The following MEAF6 variants were observed in gnomAD, a reference collection of about 807,000 sequenced individuals.
MEAF6 encodes the protein MYST/Esa1 associated factor 6.
A neutral mutation model predicts 28.9 loss-of-function variants in MEAF6; 15 were observed. That is an observed-to-expected ratio of 0.52 (90% CI 0.35 to 0.80). MEAF6 has a LOEUF of 0.80. Among genes scored for constraint, MEAF6 ranks in the 30% least tolerant of loss-of-function variants. MEAF6 has a pLI of 0.01. For synonymous variants in MEAF6, 97 were observed against 88.7 expected, an observed-to-expected ratio of 1.09 and a Z score of -0.53; for missense variants, 178 against 237.5, an observed-to-expected ratio of 0.75 and a Z score of 1.65.
chr1:37,496,812 C>T, intron 5 of MEAF6: 1 of 1,458,086 alleles, frequency 6.9e-7, no homozygotes, highest in Non-Finnish European at 9.2e-7. Context: ...GATTAGCCAC[C>T]CTAGCAAGAA....
chr1:37,512,563 C>T (rs1004095609), intron 2 of MEAF6, among the ~76,000 whole-genome samples: 2 of 152,190 alleles, frequency 1.3e-5, no homozygotes, highest in African/African-American at 4.8e-5. Flanking sequence ...ACTAAGTAAG[C>T]AGTGGTACAG....
chr1:37,494,836 C>CA (rs931602285), intron 6 of MEAF6, among the ~76,000 whole-genome samples: 17 of 145,724 alleles, frequency 1.2e-4, no homozygotes, highest in East Asian at 8.1e-4. Flanking sequence ...GTCACACACA[C>CA]AAAAAAAAAA....
chr1:37,514,436 C>A (rs372197730), intron 1 of MEAF6: 5 of 331,882 alleles, frequency 1.5e-5, no homozygotes, highest in African/African-American at 2.2e-5. Flanking sequence ...TCCCCTCCCC[C>A]TCCCGCGCTC....
intron 6 of MEAF6, 56 bp from the exon 7 acceptor site, chr1:37,494,163 C>T: frequency 2.7e-6 from 4 of 1,491,028 alleles, no homozygotes; most frequent in Non-Finnish European, 3.7e-6. Flanking sequence ...GTTGTTTGAC[C>T]CTAAAGGAAA....
chr1:37,498,803 T>C (rs1642203459), intron 5 of MEAF6, among the ~76,000 whole-genome samples: 2 of 152,108 alleles, frequency 1.3e-5, no homozygotes, highest in South Asian at 2.1e-4. Flanking sequence ...TCATGTAAAA[T>C]ATAAGAATTC....
At chr1:37,514,022 G>C (rs1642752137) in intron 1 of MEAF6, 3 of 176,840 alleles carry the variant, frequency 1.7e-5, no homozygotes, top group South Asian at 2.9e-4. Context: ...GGCCTCCCGG[G>C]TGCCCAAGCC....
At chr1:37,503,681 A>AG (rs58064924) in intron 4 of MEAF6, among the ~76,000 whole-genome samples, 3 of 150,428 alleles carry the variant, frequency 2.0e-5, no homozygotes, top group African/African-American at 7.3e-5. Context: ...AAAAAAAAAA[A>AG]GGCTGCACAC....
At chr1:37,507,568 T>C (rs192045894) in intron 4 of MEAF6, among the ~76,000 whole-genome samples, 1 of 151,546 alleles carries the variant, frequency 6.6e-6, no homozygotes, top group Non-Finnish European at 1.5e-5. Context: ...GAGTTCTGAA[T>C]AAGGGAGAAG....
At chr1:37,511,522 T>A (rs1198157756) in intron 2 of MEAF6, among the ~76,000 whole-genome samples, 1 of 152,196 alleles carries the variant, frequency 6.6e-6, no homozygotes, top group Non-Finnish European at 1.5e-5. Context: ...AAATTACTTG[T>A]TAATCACAAT....
At chr1:37,505,191 CTTCT>C (rs1313632276) in intron 4 of MEAF6, among the ~76,000 whole-genome samples, 3 of 152,142 alleles carry the variant, frequency 2.0e-5, no homozygotes, top group Non-Finnish European at 4.4e-5. Flanking sequence ...GCCCAGTTTT[CTTCT>C]TTCTATGGTC....
Position 37,514,611 on chromosome 1 carries a change from C to A in MEAF6, c.90+46G>T, listed in dbSNP as rs1048130599. The A allele has an allele frequency of 4.3e-6, 6 of 1,403,710 alleles. No individual in the cohort carries two copies. In the African/African-American group the frequency reaches 6.0e-5, roughly 14 times the overall value. The allele number at this position is 1,403,710 out of a possible 1,614,324, so 87.0% of individuals were successfully genotyped here. On this transcript the variant is annotated intron_variant, in intron 1 of 6. Transcript: ENST00000296214. Reference sequence around the variant, plus strand: ...CCGGGCTTGGGGCCTGGAGGCGGGGCGGGCGCGGAGCCCCATGCCGTGCAA... The same window carrying A: ...CCGGGCTTGGGGCCTGGAGGCGGGGAGGGCGCGGAGCCCCATGCCGTGCAA...
intron 4 of MEAF6, among the ~76,000 whole-genome samples, chr1:37,509,066 C>CAG (rs1194949065): frequency 6.6e-6 from 1 of 152,180 alleles, no homozygotes; most frequent in Non-Finnish European, 1.5e-5. Flanking sequence ...CACTGTACTC[C>CAG]AGCTTGGGCT....
At chr1:37,506,210 G>A (rs1642477202) in intron 4 of MEAF6, among the ~76,000 whole-genome samples, 1 of 151,944 alleles carries the variant, frequency 6.6e-6, no homozygotes, top group Non-Finnish European at 1.5e-5. Context: ...GGTGGAGGTT[G>A]TGGTGAGCCA....
At position 37,494,031 on chromosome 1, in the gene MEAF6, T is replaced by C; in HGVS notation, c.*68A>G. ...GCCACGAACTCAGGTGAAGGATGTT[T>C]ATCTTTGTGAGGTCAGAGAAGGGAA... On this transcript the variant is annotated 3_prime_UTR_variant, in exon 7 of 7. Transcript: ENST00000296214. The C allele has an allele frequency of 6.3e-7, 1 of 1,597,974 alleles. No homozygotes were observed. The highest frequency in any genetic ancestry group is 8.5e-7 in the Non-Finnish European group (1 of 1,175,692).
intron 6 of MEAF6, among the ~76,000 whole-genome samples, 188 bp downstream of exon 6, chr1:37,495,697 C>CAAAAAAAAAAAAAAAAAAAAAAA (rs1373520573): frequency 1.1e-5 from 1 of 92,676 alleles, no homozygotes; most frequent in African/African-American, 4.0e-5. Flanking sequence ...AAAAAAAAAA[C>CAAAAAAAAAAAAAAAAAAAAAAA]AAAAAACAAA....
intron 5 of MEAF6, among the ~76,000 whole-genome samples, chr1:37,497,228 GT>G (rs1642153115): frequency 2.1e-5 from 2 of 94,416 alleles, no homozygotes; most frequent in Non-Finnish European, 5.2e-5. Flanking sequence ...AGTTATATGG[GT>G]TTGTTTGTTT....
intron 6 of MEAF6, among the ~76,000 whole-genome samples, chr1:37,494,689 G>C (rs1642056300): frequency 6.6e-6 from 1 of 151,724 alleles, no homozygotes; most frequent in African/African-American, 2.4e-5. Context: ...AAATTAGCCA[G>C]GTGTGGTGGC....
intron 6 of MEAF6, among the ~76,000 whole-genome samples, 169 bp downstream of exon 6, chr1:37,495,716 A>AC (rs1557603984): frequency 2.6e-4 from 34 of 129,776 alleles, no homozygotes; most frequent in East Asian, 1.3e-3. Flanking sequence ...AAAAAAAAAA[A>AC]AAACAAAAAA....
intron 4 of MEAF6, among the ~76,000 whole-genome samples, chr1:37,503,681 A>T (rs1328102783): frequency 6.6e-6 from 1 of 150,428 alleles, no homozygotes; most frequent in Non-Finnish European, 1.5e-5. Flanking sequence ...AAAAAAAAAA[A>T]GGCTGCACAC....
Sources: gnomAD v4.1 joint callset for allele counts (sites outside exome capture counted in the v4.1 genomes callset) on GRCh38, gnomAD v4.1.1 for gene constraint, MANE v1.5 for transcripts, NCBI Gene and HGNC (gene_info 2026-07-23, HGNC 2026-07-21) for gene names.